MED13L: variants seen among roughly 807,000 people sequenced by gnomAD.
MED13L encodes mediator complex subunit 13L, also known as mediator of RNA polymerase II transcription subunit 13-like.
Under a neutral mutation model 220.9 loss-of-function variants are expected in MED13L, and 7 were observed. That is an observed-to-expected ratio of 0.03 (90% CI 0.02 to 0.06). The LOEUF is 0.06. MED13L is among the 10% of genes least tolerant of loss of function. The pLI is 1.00. For synonymous variants in MED13L, 1,011 were observed against 1,015.2 expected, an observed-to-expected ratio of 1.00 and a Z score of 0.08; for missense variants, 1,965 against 2,760.5, an observed-to-expected ratio of 0.71 and a Z score of 6.46.
intron 16 of MED13L, among the ~76,000 whole-genome samples, chr12:115,992,552 A>G (rs918450308): frequency 3.9e-5 from 6 of 152,228 alleles, no homozygotes; most frequent in Non-Finnish European, 8.8e-5. Flanking sequence ...ACATTTTTAT[A>G]GTAATGAGTG....
intron 2 of MED13L, among the ~76,000 whole-genome samples, chr12:116,119,176 C>CT (rs1874788133): frequency 6.6e-6 from 1 of 152,196 alleles, no homozygotes; most frequent in Non-Finnish European, 1.5e-5. Context: ...CTGATTCTCT[C>CT]TTTTCCATCC....
intron 2 of MED13L, among the ~76,000 whole-genome samples, chr12:116,193,525 G>A (rs1448844052): frequency 1.3e-5 from 2 of 151,020 alleles, no homozygotes; most frequent in Admixed American, 6.6e-5. Flanking sequence ...ATTATTTTTC[G>A]GTATTTCCAA....
chr12:116,064,922 G>T (rs192901627), intron 4 of MED13L, among the ~76,000 whole-genome samples: 1 of 152,082 alleles, frequency 6.6e-6, no homozygotes, highest in African/African-American at 2.4e-5. Context: ...CATATAGTCC[G>T]CTTTAAAATA....
At chr12:116,143,573 A>G (rs1022180579) in intron 2 of MED13L, among the ~76,000 whole-genome samples, 4 of 152,170 alleles carry the variant, frequency 2.6e-5, no homozygotes, top group Non-Finnish European at 5.9e-5. Flanking sequence ...CTGATATCAC[A>G]TTAATTTATA....
At chr12:116,136,264 T>C (rs1441375271) in intron 2 of MED13L, among the ~76,000 whole-genome samples, 2 of 152,208 alleles carry the variant, frequency 1.3e-5, no homozygotes, top group Non-Finnish European at 2.9e-5. Context: ...AACTAAGTGC[T>C]ATGGTCCCTT....
intron 3 of MED13L, among the ~76,000 whole-genome samples, chr12:116,098,091 A>T (rs1872761392): frequency 6.6e-6 from 1 of 151,962 alleles, no homozygotes; most frequent in South Asian, 2.1e-4. Flanking sequence ...CTAAAAATAC[A>T]AAAAATTAGC....
intron 4 of MED13L, among the ~76,000 whole-genome samples, chr12:116,050,148 G>T (rs566957633): frequency 6.6e-6 from 1 of 152,128 alleles, no homozygotes; most frequent in Non-Finnish European, 1.5e-5. Context: ...GTTCTAGGGT[G>T]CGACTCCATG....
intron 3 of MED13L, among the ~76,000 whole-genome samples, chr12:116,097,493 T>G (rs1272014838): frequency 6.6e-6 from 1 of 152,144 alleles, no homozygotes; most frequent in Non-Finnish European, 1.5e-5. Flanking sequence ...ATTTTTTATT[T>G]TTTGGCTTTG....
chr12:116,189,901 G>A (rs1881153188), intron 2 of MED13L, among the ~76,000 whole-genome samples: 1 of 152,118 alleles, frequency 6.6e-6, no homozygotes, highest in African/African-American at 2.4e-5. Flanking sequence ...CTGTGACCTT[G>A]CTGAACTCAC....
At position 116,244,096 on chromosome 12, in the gene MED13L, GTA is replaced by G. The variant is rs1209229168; in HGVS notation, c.73-6393_73-6392del. 4.6e-5 allele frequency among the ~76,000 whole-genome samples: 7 copies of G among 152,318 alleles called. No individual in the cohort carries two copies. In the East Asian group the frequency reaches 1.4e-3, roughly 29 times the overall value. On this transcript the variant is annotated intron_variant, in intron 1 of 30. Coordinates refer to ENST00000281928, the MANE Select transcript of MED13L (RefSeq NM_015335.5). ...ATCCTGGGCAGGATTCTAGGCTGGT[GTA>G]TAGAAAAGGCAGCTGTGATCATTTG...
At chr12:116,183,039 G>C (rs1445302012) in intron 2 of MED13L, among the ~76,000 whole-genome samples, 1 of 151,946 alleles carries the variant, frequency 6.6e-6, no homozygotes, top group Non-Finnish European at 1.5e-5. Flanking sequence ...TATTTCTTAA[G>C]AGTTTACAAA....
At chr12:116,226,204 A>C (rs1868974840) in intron 2 of MED13L, among the ~76,000 whole-genome samples, 1 of 152,026 alleles carries the variant, frequency 6.6e-6, no homozygotes, top group Non-Finnish European at 1.5e-5. Flanking sequence ...GGAGAGAGAG[A>C]ACTAATTGTA....
intron 2 of MED13L, among the ~76,000 whole-genome samples, chr12:116,119,447 G>C (rs939523884): frequency 2.6e-5 from 4 of 152,144 alleles, no homozygotes; most frequent in Admixed American, 1.3e-4. Context: ...CAAATAGTTG[G>C]ATACCCAATA....
At chr12:116,080,355 G>A (rs1593020053) in intron 4 of MED13L, among the ~76,000 whole-genome samples, 1 of 152,112 alleles carries the variant, frequency 6.6e-6, no homozygotes, top group Admixed American at 6.6e-5. Context: ...AGTTCCCCAA[G>A]ATACTTAAGA....
At chr12:115,994,786 G>C (rs1178241488) in intron 16 of MED13L, among the ~76,000 whole-genome samples, 1 of 152,224 alleles carries the variant, frequency 6.6e-6, no homozygotes, top group African/African-American at 2.4e-5. Context: ...GAGTAAGCTA[G>C]AGTACAATCG....
intron 4 of MED13L, among the ~76,000 whole-genome samples, chr12:116,074,942 G>A (rs1416946785): frequency 1.3e-5 from 2 of 152,234 alleles, no homozygotes; most frequent in African/African-American, 2.4e-5. Context: ...GAGCTTTATT[G>A]CGCAAGCAAG....
intron 1 of MED13L, chr12:116,276,663 T>C (rs1873869078): frequency 3.4e-6 from 4 of 1,180,488 alleles, no homozygotes; most frequent in South Asian, 1.6e-5. Flanking sequence ...GGGGAAGAGG[T>C]TGCCGATCGG....
chr12:116,112,270 A>C (rs1334540592), intron 2 of MED13L, among the ~76,000 whole-genome samples: 1 of 152,198 alleles, frequency 6.6e-6, no homozygotes, highest in East Asian at 1.9e-4. Context: ...TTTAAATTAC[A>C]CTAGTTCAAT....
chr12:115,986,640 T>C (rs1877709114), intron 18 of MED13L, 151 bp from the exon 19 acceptor site: 3 of 818,936 alleles, frequency 3.7e-6, no homozygotes, highest in Non-Finnish European at 6.1e-6. Flanking sequence ...TGAAATCATC[T>C]AATTAAATGG....
Sources: allele counts gnomAD v4.1 joint callset (sites outside exome capture counted in the v4.1 genomes callset), GRCh38; gene constraint gnomAD v4.1.1; transcripts MANE v1.5; gene names NCBI Gene and HGNC (gene_info 2026-07-23, HGNC 2026-07-21).